The following CHD2 variants were observed in gnomAD, a reference collection of about 807,000 sequenced individuals.
The protein encoded by CHD2 is chromodomain helicase DNA binding protein 2.
A neutral mutation model predicts 243.9 loss-of-function variants in CHD2; 28 were observed. That is an observed-to-expected ratio of 0.11 (90% CI 0.09 to 0.16). The LOEUF is 0.16. Ranked by LOEUF, CHD2 falls within the 10% of genes least tolerant of loss-of-function variation. The probability of loss-of-function intolerance (pLI) is 1.00; values close to 1 mark genes in which losing one functional copy is unlikely to be tolerated. For synonymous variants in CHD2, 775 were observed against 779.0 expected (o/e 0.99, Z 0.09); for missense variants, 1,386 against 2,209.8 (o/e 0.63, Z 7.47).
chr15:92,944,282 C>T (rs2053428388), intron 9 of CHD2, 133 bp from the exon 10 acceptor site: 2 of 506,960 alleles, frequency 3.9e-6, no homozygotes, highest in African/African-American at 1.9e-5. Context: ...GGCGTAATTA[C>T]TAGTAAAGAT....
chr15:92,944,308 T>C (rs2053428840), intron 9 of CHD2, 107 bp from the exon 10 acceptor site: 2 of 561,082 alleles, frequency 3.6e-6, no homozygotes, highest in Non-Finnish European at 6.6e-6. Context: ...AAGGGGCAGA[T>C]GGGAGTAAAA....
intron 12 of CHD2, among the ~76,000 whole-genome samples, chr15:92,947,762 C>A (rs1723691658): frequency 6.6e-6 from 1 of 152,068 alleles, no homozygotes; most frequent in Admixed American, 6.5e-5. Flanking sequence ...GGATGGATGG[C>A]TGGGTTTTGG....
intron 2 of CHD2, among the ~76,000 whole-genome samples, chr15:92,908,554 CTG>C (rs1275948155): frequency 6.6e-6 from 1 of 152,148 alleles, no homozygotes; most frequent in Non-Finnish European, 1.5e-5. Flanking sequence ...TAAAAGCTCT[CTG>C]TGTTTCAAAT....
chr15:92,949,209 C>T (rs2053518849), intron 13 of CHD2, 133 bp downstream of exon 13: 3 of 1,495,386 alleles, frequency 2.0e-6, no homozygotes, highest in Non-Finnish European at 2.6e-6. Context: ...CTGCATATTA[C>T]AGAAATAAAA....
intron 31 of CHD2, among the ~76,000 whole-genome samples, chr15:93,000,057 G>A (rs568518118): frequency 1.5e-3 from 224 of 152,230 alleles, no homozygotes; most frequent in African/African-American, 4.8e-3. Context: ...TCAGGAGTTC[G>A]AGACCAGCCT....
chr15:92,996,600 G>T (rs901007430), intron 28 of CHD2, among the ~76,000 whole-genome samples: 1 of 151,992 alleles, frequency 6.6e-6, no homozygotes, highest in African/African-American at 2.4e-5. Context: ...TTTGACCTTC[G>T]CTAGTGGGAT....
rs2053946866 is a variant in CHD2, at chr15:92,979,276, A to G, written c.2869A>G (p.Arg957Gly). 1.2e-6 allele frequency: 2 copies of G among 1,613,846 alleles called. No individual in the cohort carries two copies. The highest frequency in any genetic ancestry group is 8.5e-7 in the Non-Finnish European group (1 of 1,179,866). The change falls in exon 22 of 39, where the codon AGG becomes GGG. Residue 957 changes from arginine (R) to glycine (G), a missense_variant. By Grantham distance (125) the Arg-to-Gly change is moderately radical. Transcript: ENST00000394196. ...GACGATCCTGGAAAACAACTCAGGA[A>G]GGTCCAAGTAAGTGCCAGGAAGATT... Reference protein sequence around the residue: ...GRTILENNSGRSNSNPFNKEE... With the variant: ...GRTILENNSGGSNSNPFNKEE...
chr15:92,933,852 C>G (rs1422681221), intron 5 of CHD2, among the ~76,000 whole-genome samples: 4 of 152,224 alleles, frequency 2.6e-5, no homozygotes, highest in Admixed American at 6.5e-5. Flanking sequence ...GCCATCCTCC[C>G]ACCATGGCCT....
intron 2 of CHD2, among the ~76,000 whole-genome samples, chr15:92,910,670 A>T (rs565273379): frequency 6.6e-6 from 1 of 152,224 alleles, no homozygotes; most frequent in African/African-American, 2.4e-5. Context: ...TGCTGGGATT[A>T]CAGGGGTGAG....
intron 35 of CHD2, among the ~76,000 whole-genome samples, chr15:93,012,064 A>G (rs1267359345): frequency 6.6e-6 from 1 of 152,244 alleles, no homozygotes; most frequent in African/African-American, 2.4e-5. Context: ...AAGTCCTCAC[A>G]TAACGTTGTT....
chr15:92,984,402 A>G lies in CHD2; in HGVS notation c.3139A>G (p.Ile1047Val). The change falls in exon 25 of 39, where the codon ATT (isoleucine) becomes GTT (valine). Residue 1047 changes from isoleucine (I) to valine (V), a missense_variant. Physicochemically the swap from Ile to Val is conservative, Grantham distance 29 (BLOSUM62 3). This residue lies in a region of CHD2 where 99 missense variants were observed against 206.4 expected (regional missense o/e 0.48). Transcript: ENST00000394196. ...TCCTCACAAGGACTGGGATGAGATC[A>G]TTCCAGAGGAACAAAGGAAAAAAGT... is the stretch of plus-strand genomic sequence containing the variant. Reference protein sequence around the residue: ...ERPHKDWDEIIPEEQRKKVEE... With the variant: ...ERPHKDWDEIVPEEQRKKVEE... 1.9e-6 allele frequency: 3 copies of G among 1,611,512 alleles called. No homozygotes were observed. Among genetic ancestry groups the G allele is most frequent in the Non-Finnish European group, 2.5e-6 (3 of 1,178,498 alleles).
At chr15:92,939,047 CT>C (rs34010474) in intron 6 of CHD2, among the ~76,000 whole-genome samples, 9,920 of 149,190 alleles carry the variant, frequency 0.066, 441 homozygotes, top group South Asian at 0.12. Flanking sequence ...ACAAAAAACT[CT>C]TTTTTTTTTT....
chr15:92,937,550 A>G lies in CHD2; in HGVS notation c.476A>G (p.Glu159Gly), dbSNP rs1567132900. 1 of 1,613,210 alleles carries G rather than the reference A, an allele frequency of 6.2e-7. No homozygotes were observed. Among genetic ancestry groups the G allele is most frequent in the Non-Finnish European group, 8.5e-7 (1 of 1,179,612 alleles). The change falls in exon 6 of 39, where the codon GAA (glutamate) becomes GGA (glycine). Residue 159 changes from glutamate (E) to glycine (G), a missense_variant. Glu to Gly is a moderately conservative substitution (Grantham distance 98, BLOSUM62 -2). Transcript: ENST00000394196. ...EKWKQEPSED[E>G]QEQGTSAESE... ...TGGAAACAGGAACCCTCAGAAGATGAACAGGAACAAGGCACCAGTGCAGAG... is the reference window on the plus strand; with the variant it reads ...TGGAAACAGGAACCCTCAGAAGATGGACAGGAACAAGGCACCAGTGCAGAG...
At chr15:92,966,377 T>G (rs140728970) in intron 16 of CHD2, among the ~76,000 whole-genome samples, 10 of 152,260 alleles carry the variant, frequency 6.6e-5, no homozygotes, top group African/African-American at 2.4e-4. Flanking sequence ...GATAGTTCAA[T>G]TTTCATTGTG....
intron 16 of CHD2, among the ~76,000 whole-genome samples, chr15:92,959,924 AT>A (rs2053663663): frequency 6.6e-6 from 1 of 152,260 alleles, no homozygotes; most frequent in African/African-American, 2.4e-5. Flanking sequence ...CAAGAAAAAT[AT>A]GGAATTTTGA....
At chr15:92,918,582 C>G (rs77251100) in intron 2 of CHD2, among the ~76,000 whole-genome samples, 3,627 of 152,180 alleles carry the variant, frequency 0.024, 141 homozygotes, top group African/African-American at 0.082. Context: ...GCTTAAAGGA[C>G]TCCACTCACT....
At position 92,975,011 on chromosome 15, in the gene CHD2, C is replaced by T. The variant is rs2141839277; in HGVS notation, c.2577+61C>T. 4 of 1,356,930 alleles carry T rather than the reference C, an allele frequency of 2.9e-6. No individual in the cohort carries two copies. The East Asian group carries it at 9.2e-5, about 31-fold the overall frequency. 84.1% of individuals were successfully genotyped at this position (1,356,930 alleles called of 1,614,324 possible). A position where few individuals can be genotyped will look rare whatever the true frequency, so the allele number is the denominator to read the frequency against. On this transcript the variant is annotated intron_variant, in intron 20 of 38. Coordinates refer to ENST00000394196, the MANE Select transcript of CHD2 (RefSeq NM_001271.4). ...GGGCTCTGCATCAAGGGGAAAGTCT[C>T]TCTCGCTTAATGTATTCTGTTTCAG...
intron 28 of CHD2, chr15:92,993,297 T>TG (rs1400444791): frequency 3.3e-6 from 1 of 299,810 alleles, no homozygotes; most frequent in Non-Finnish European, 6.4e-6. Flanking sequence ...CAGAGCTTGG[T>TG]GGACACCTCT....
Position 92,967,505 on chromosome 15 carries a change from G to C in CHD2, c.2181G>C (p.Gln727His). Reference protein sequence around the residue: ...LRVEMSALQKQYYKWILTRNY... With the variant: ...LRVEMSALQKHYYKWILTRNY... ...TGGAGATGTCAGCCCTTCAGAAACA[G>C]TATTACAAGTAAGTTCTTGTTTGGG... is the stretch of plus-strand genomic sequence containing the variant. Residue 727 changes from glutamine to histidine, a missense_variant, in exon 17 of 39, where the codon CAG becomes CAC. By Grantham distance (24) the Gln-to-His change is conservative (BLOSUM62 0). Transcript: ENST00000394196. The C allele has an allele frequency of 6.2e-7, 1 of 1,612,944 alleles. No individual in the cohort carries two copies. Among genetic ancestry groups the C allele is most frequent in the Non-Finnish European group, 8.5e-7 (1 of 1,179,312 alleles).
Sources: gnomAD v4.1 joint callset for allele counts (sites outside exome capture counted in the v4.1 genomes callset) on GRCh38, gnomAD v4.1.1 for gene constraint, gnomAD v4.1.1 regional missense constraint, MANE v1.5 for transcripts, NCBI Gene and HGNC (gene_info 2026-07-23, HGNC 2026-07-21) for gene names.